The following GUCY1A2 variants were observed in gnomAD, a reference collection of about 807,000 sequenced individuals.
The protein encoded by GUCY1A2 is guanylate cyclase 1 soluble subunit alpha 2, also known as guanylate cyclase soluble subunit alpha-2.
In GUCY1A2, 27 loss-of-function variants were observed where a neutral mutation model predicts 63.5. The observed-to-expected ratio is 0.43, with a 90% CI of 0.31 to 0.59. The LOEUF (loss-of-function observed/expected upper bound fraction) is 0.59, where lower values mean the gene tolerates loss of function less well. GUCY1A2 is among the 20% of genes least tolerant of loss of function. The pLI is 0.11. For missense variants in GUCY1A2, 768 were observed against 913.3 expected, an observed-to-expected ratio of 0.84 and a Z score of 2.05; for synonymous variants, 364 against 343.5, an observed-to-expected ratio of 1.06 and a Z score of -0.66.
intron 4 of GUCY1A2, among the ~76,000 whole-genome samples, chr11:106,822,752 A>G (rs556916739): frequency 6.6e-6 from 1 of 152,288 alleles, no homozygotes; most frequent in East Asian, 1.9e-4. Flanking sequence ...TAACTCCTGT[A>G]CTCATCATTT....
intron 4 of GUCY1A2, among the ~76,000 whole-genome samples, chr11:106,834,622 A>G (rs1859093699): frequency 6.6e-6 from 1 of 152,018 alleles, no homozygotes; most frequent in Non-Finnish European, 1.5e-5. Flanking sequence ...AAAACAAACA[A>G]AAAAAGTAGA....
chr11:106,719,534 A>C (rs1169158247), intron 6 of GUCY1A2, among the ~76,000 whole-genome samples: 2 of 152,194 alleles, frequency 1.3e-5, no homozygotes, highest in Admixed American at 6.5e-5. Context: ...TTGATTGTTA[A>C]ACATAATAAT....
chr11:106,939,988 T>C lies in GUCY1A2; in HGVS notation c.678A>G (p.Leu226=), dbSNP rs1860731724. The C allele has an allele frequency of 3.1e-6, 5 of 1,613,978 alleles. No homozygotes were observed. The highest frequency in any genetic ancestry group is 2.2e-5 in the East Asian group (1 of 44,864). Residue 226 remains leucine (L), a synonymous_variant, in exon 4 of 8, where the codon CTA becomes CTG. Transcript: ENST00000526355. The part of the protein sequence containing the change: ...KQATLESPSF[L]CKELPEGTLM... ...GAGTACCTTCAGGGAGCTCTTTGCATAGGAAAGATGGTGACTCCAGAGTGG... is the reference window on the plus strand; with the variant it reads ...GAGTACCTTCAGGGAGCTCTTTGCACAGGAAAGATGGTGACTCCAGAGTGG...
At position 106,683,016 on chromosome 11, in the gene GUCY1A2, A is replaced by G. The variant is rs772761136; in HGVS notation, c.*4533T>C. ...GAAATTGAGTCCATAGCTGAGGTCA[A>G]CTTACCCATTTAACAATAAATTTTG... On this transcript the variant is annotated 3_prime_UTR_variant, in exon 8 of 8. Transcript: ENST00000526355. 5 of 216,960 alleles carry G rather than the reference A, an allele frequency of 2.3e-5. No homozygotes were observed. Among genetic ancestry groups the G allele is most frequent in the Non-Finnish European group, 4.6e-5 (5 of 107,762 alleles). The allele number at this position is 216,960 out of a possible 1,614,324, so 13.4% of individuals were successfully genotyped here.
At position 106,680,989 on chromosome 11, in the gene GUCY1A2, T is replaced by C. The variant is rs1322638290; in HGVS notation, c.*6560A>G. On this transcript the variant is annotated 3_prime_UTR_variant, in exon 8 of 8. Transcript: ENST00000526355. ...TGATTTTAGCTGTAATCCTTATACATTATTCTAAATGATGAAGTAAATTTA... is the reference window on the plus strand; with the variant it reads ...TGATTTTAGCTGTAATCCTTATACACTATTCTAAATGATGAAGTAAATTTA... 2 of 203,572 alleles carry C rather than the reference T, an allele frequency of 9.8e-6. No homozygotes were observed. Among genetic ancestry groups the C allele is most frequent in the East Asian group, 7.5e-5 (1 of 13,254 alleles). The allele number at this position is 203,572 out of a possible 1,614,324, so 12.6% of individuals were successfully genotyped here. A position where few individuals can be genotyped will look rare whatever the true frequency, so the allele number is the denominator to read the frequency against.
intron 1 of GUCY1A2, among the ~76,000 whole-genome samples, chr11:106,994,266 C>A (rs1441913843): frequency 6.6e-6 from 1 of 152,154 alleles, no homozygotes; most frequent in Non-Finnish European, 1.5e-5. Context: ...GTAATTAAGT[C>A]TTCCTATACA....
At chr11:106,759,457 A>G (rs1357703973) in intron 6 of GUCY1A2, among the ~76,000 whole-genome samples, 1 of 152,190 alleles carries the variant, frequency 6.6e-6, no homozygotes, top group African/African-American at 2.4e-5. Context: ...GGTATTATGG[A>G]TGGAATTGTG....
chr11:106,768,270 G>GC (rs1864197391), intron 6 of GUCY1A2, among the ~76,000 whole-genome samples: 1 of 152,010 alleles, frequency 6.6e-6, no homozygotes, highest in Non-Finnish European at 1.5e-5. Context: ...CTACAGGTAT[G>GC]CCCCCCTACC....
chr11:106,856,379 A>G (rs1176006789), intron 4 of GUCY1A2, among the ~76,000 whole-genome samples: 1 of 152,160 alleles, frequency 6.6e-6, no homozygotes, highest in Non-Finnish European at 1.5e-5. Flanking sequence ...GTCATTTTAC[A>G]TAAGTAATAT....
chr11:106,745,277 T>A (rs1377082891), intron 6 of GUCY1A2, among the ~76,000 whole-genome samples: 1 of 152,208 alleles, frequency 6.6e-6, no homozygotes, highest in Non-Finnish European at 1.5e-5. Flanking sequence ...TGTTCTAGGG[T>A]AATGTGTAGT....
At position 106,687,550 on chromosome 11, in the gene GUCY1A2, C is replaced by CAT. The variant is rs1299895926; in HGVS notation, c.2197_2198insAT (p.Ter733TyrfsTer56). ...GGAGTCTTTGATCTGTAGCAGGTCT[C>CAT]AGAGGCTTGTCTCCCGGAGGAACAT... On this transcript the variant is annotated frameshift_variant and stop_lost, in exon 8 of 8. Coordinates refer to ENST00000526355, the MANE Select transcript of GUCY1A2 (RefSeq NM_000855.3). LOFTEE classifies it high-confidence loss of function. 6.2e-7 allele frequency: 1 copy of CAT among 1,612,106 alleles called. No homozygotes were observed. The highest frequency in any genetic ancestry group is 1.7e-5 in the Admixed American group (1 of 59,982).
At chr11:106,920,639 T>G (rs1450457441) in intron 4 of GUCY1A2, among the ~76,000 whole-genome samples, 1 of 152,128 alleles carries the variant, frequency 6.6e-6, no homozygotes. Context: ...TTGTTTATCA[T>G]TCAGATCTTA....
intron 4 of GUCY1A2, among the ~76,000 whole-genome samples, chr11:106,859,781 T>C (rs1239880500): frequency 2.0e-5 from 3 of 151,976 alleles, no homozygotes; most frequent in Non-Finnish European, 4.4e-5. Flanking sequence ...AATATCATCA[T>C]GTTACAATTG....
chr11:106,968,440 A>G (rs1048134271), intron 3 of GUCY1A2, among the ~76,000 whole-genome samples: 6 of 152,102 alleles, frequency 3.9e-5, no homozygotes, highest in Admixed American at 3.3e-4. Context: ...TAAAATTGAT[A>G]TTTTCAGAGT....
At chr11:106,918,110 G>T (rs941934613) in intron 4 of GUCY1A2, among the ~76,000 whole-genome samples, 4 of 144,102 alleles carry the variant, frequency 2.8e-5, no homozygotes, top group African/African-American at 9.8e-5. Flanking sequence ...AGAACGAAGG[G>T]TATAACGCCC....
At position 106,923,794 on chromosome 11, in the gene GUCY1A2, G is replaced by A. The variant is rs539699641; in HGVS notation, c.1206+15666C>T. ...TTATAAAATAAAATAAAAGCCTTAT[G>A]AGACAAAGGTTGAGAAGTTTTAAAG... On this transcript the variant is annotated intron_variant, in intron 4 of 7. Coordinates refer to ENST00000526355, the MANE Select transcript of GUCY1A2 (RefSeq NM_000855.3). Among the ~76,000 whole-genome samples the A allele has an allele frequency of 3.9e-5, 6 of 152,226 alleles. No individual in the cohort carries two copies. The South Asian group carries it at 6.2e-4, about 16-fold the overall frequency.
intron 4 of GUCY1A2, among the ~76,000 whole-genome samples, chr11:106,868,738 C>T (rs1859630608): frequency 6.6e-6 from 1 of 152,108 alleles, no homozygotes; most frequent in African/African-American, 2.4e-5. Flanking sequence ...ACTTGCTTCA[C>T]AGAATTGGAA....
chr11:106,865,195 T>C (rs1228349313), intron 4 of GUCY1A2, among the ~76,000 whole-genome samples: 2 of 152,162 alleles, frequency 1.3e-5, no homozygotes, highest in Non-Finnish European at 2.9e-5. Flanking sequence ...GAGGTGTTTA[T>C]AGTATTCTCT....
chr11:107,006,622 T>C (rs561884325), intron 1 of GUCY1A2, among the ~76,000 whole-genome samples: 1 of 152,338 alleles, frequency 6.6e-6, no homozygotes, highest in South Asian at 2.1e-4. Context: ...AGAAATGGTA[T>C]GCACATTAAC....
Sources: allele counts gnomAD v4.1 joint callset (sites outside exome capture counted in the v4.1 genomes callset), GRCh38; gene constraint gnomAD v4.1.1; transcripts MANE v1.5; gene names NCBI Gene and HGNC (gene_info 2026-07-23, HGNC 2026-07-21).